CTNNA2: variants seen among roughly 807,000 people sequenced by gnomAD.
CTNNA2 encodes catenin alpha-2.
A neutral mutation model predicts 101.0 loss-of-function variants in CTNNA2; 42 were observed. The ratio of observed to expected loss-of-function variants is 0.42; its 90% confidence interval spans 0.32 to 0.54. The LOEUF is 0.54. CTNNA2 is among the 20% of genes least tolerant of loss of function. The pLI, the probability that CTNNA2 is intolerant of heterozygous loss-of-function variation, is 0.14. For synonymous variants in CTNNA2, 450 were observed against 456.4 expected (o/e 0.99, Z 0.18); for missense variants, 871 against 1,223.1 (o/e 0.71, Z 4.29).
At chr2:79,629,707 A>T (rs1338698933) in intron 1 of CTNNA2, among the ~76,000 whole-genome samples, 1 of 152,160 alleles carries the variant, frequency 6.6e-6, no homozygotes, top group Admixed American at 6.5e-5. Flanking sequence ...CAGTGTCTCG[A>T]TAGATGGGAG....
chr2:80,614,447 T>C (rs1698690023), intron 17 of CTNNA2, among the ~76,000 whole-genome samples: 1 of 151,438 alleles, frequency 6.6e-6, no homozygotes, highest in Non-Finnish European at 1.5e-5. Context: ...GTAAATACTA[T>C]GCCATTTTAT....
chr2:80,028,077 T>A (rs923970700), intron 7 of CTNNA2: 9 of 151,530 alleles, frequency 5.9e-5, no homozygotes, highest in African/African-American at 2.2e-4. Context: ...AGATGAAGTG[T>A]GGCTTTTTCG....
intron 2 of CTNNA2, among the ~76,000 whole-genome samples, chr2:79,293,758 C>T (rs532412429): frequency 1.3e-5 from 2 of 152,162 alleles, no homozygotes; most frequent in South Asian, 2.1e-4. Flanking sequence ...TAGGGAGAAA[C>T]AGGAATGAGT....
chr2:79,223,638 A>G (rs151245341), intron 2 of CTNNA2, among the ~76,000 whole-genome samples: 56 of 152,244 alleles, frequency 3.7e-4, no homozygotes, highest in Admixed American at 9.8e-4. Context: ...TATATCCATC[A>G]ATTGTTTCTC....
chr2:80,043,821 T>A (rs1356952466), intron 7 of CTNNA2, among the ~76,000 whole-genome samples: 1 of 152,246 alleles, frequency 6.6e-6, no homozygotes, highest in Non-Finnish European at 1.5e-5. Context: ...GAAGTGAGGC[T>A]TTATTTTATT....
chr2:79,282,795 A>C (rs1007216147), intron 2 of CTNNA2, among the ~76,000 whole-genome samples: 1 of 118,196 alleles, frequency 8.5e-6, no homozygotes, highest in African/African-American at 2.7e-5. Flanking sequence ...GCTGGGTCAA[A>C]TGGTATTTCT....
intron 1 of CTNNA2, among the ~76,000 whole-genome samples, chr2:79,582,405 A>G (rs1676204199): frequency 6.6e-6 from 1 of 152,170 alleles, no homozygotes; most frequent in Non-Finnish European, 1.5e-5. Flanking sequence ...TGCTAGAACT[A>G]CACAAACTTT....
chr2:80,456,302 G>C (rs1236285928), intron 9 of CTNNA2, among the ~76,000 whole-genome samples: 1 of 152,140 alleles, frequency 6.6e-6, no homozygotes, highest in Non-Finnish European at 1.5e-5. Flanking sequence ...AATATCCCCT[G>C]CACATTGGTA....
intron 2 of CTNNA2, among the ~76,000 whole-genome samples, chr2:79,713,303 G>A (rs764488267): frequency 6.6e-6 from 1 of 152,210 alleles, no homozygotes; most frequent in Admixed American, 6.5e-5. Context: ...TTTAGCAGCC[G>A]GGAACTGTGG....
At chr2:80,422,129 A>T (rs923546635) in intron 9 of CTNNA2, among the ~76,000 whole-genome samples, 1 of 152,192 alleles carries the variant, frequency 6.6e-6, no homozygotes, top group Non-Finnish European at 1.5e-5. Flanking sequence ...AGTTTAATTG[A>T]CTCACAGTTA....
chr2:80,296,026 C>T (rs955622812), intron 7 of CTNNA2, among the ~76,000 whole-genome samples: 5 of 152,060 alleles, frequency 3.3e-5, no homozygotes, highest in African/African-American at 1.2e-4. Context: ...AGACTGAGCA[C>T]ATTGATTTTT....
intron 2 of CTNNA2, among the ~76,000 whole-genome samples, chr2:79,245,828 C>A (rs1674692971): frequency 6.6e-6 from 1 of 152,116 alleles, no homozygotes; most frequent in Admixed American, 6.5e-5. Flanking sequence ...AGGTGCAAAC[C>A]CTGGTCTTGA....
intron 1 of CTNNA2, among the ~76,000 whole-genome samples, chr2:79,569,263 C>G (rs1490898445): frequency 1.3e-5 from 2 of 152,046 alleles, no homozygotes; most frequent in Non-Finnish European, 2.9e-5. Context: ...AGTAGCTGTT[C>G]TCTCAGGGAG....
intron 7 of CTNNA2, among the ~76,000 whole-genome samples, chr2:80,340,015 A>G (rs1390440578): frequency 6.6e-6 from 1 of 152,220 alleles, no homozygotes; most frequent in Non-Finnish European, 1.5e-5. Context: ...TGTGCTTACA[A>G]AGTATATGCA....
At chr2:79,299,008 A>C (rs1676045700) in intron 2 of CTNNA2, among the ~76,000 whole-genome samples, 1 of 152,196 alleles carries the variant, frequency 6.6e-6, no homozygotes, top group Non-Finnish European at 1.5e-5. Flanking sequence ...AGCTTAGAAC[A>C]ATTTATCATC....
In CTNNA2 at chr2:79,710,665, A is replaced by G. The variant is rs144414221; in HGVS notation, c.103-33722A>G. The stretch of plus-strand genomic sequence containing the variant: ...GGGCCTGTAAATTAGTTTTGGCCAC[A>G]AGCCAATCAGCTTTCAAACCTGGTG... On this transcript the variant is annotated intron_variant, in intron 2 of 18. Transcript: ENST00000402739. Among the ~76,000 whole-genome samples, 320 of 152,302 alleles carry G rather than the reference A, an allele frequency of 2.1e-3. 1 individual carries two copies. The highest frequency in any genetic ancestry group is 7.2e-3 in the African/African-American group (299 of 41,572).
intron 7 of CTNNA2, among the ~76,000 whole-genome samples, chr2:80,056,343 T>G (rs1697212698): frequency 6.6e-6 from 1 of 152,200 alleles, no homozygotes; most frequent in South Asian, 2.1e-4. Context: ...AACCTAATAT[T>G]TAGCTGCAAG....
intron 18 of CTNNA2, among the ~76,000 whole-genome samples, chr2:80,639,200 A>G (rs1301087544): frequency 6.6e-6 from 1 of 151,842 alleles, no homozygotes; most frequent in Non-Finnish European, 1.5e-5. Flanking sequence ...TGTAATATTA[A>G]CTCTTTTAAT....
At chr2:79,944,825 T>C (rs1353355638) in intron 7 of CTNNA2, among the ~76,000 whole-genome samples, 2 of 152,174 alleles carry the variant, frequency 1.3e-5, no homozygotes, top group African/African-American at 4.8e-5. Context: ...CCATACACAA[T>C]GACAGCATTG....
Sources: allele counts gnomAD v4.1 joint callset (sites outside exome capture counted in the v4.1 genomes callset), GRCh38; gene constraint gnomAD v4.1.1; transcripts MANE v1.5; gene names NCBI Gene and HGNC (gene_info 2026-07-23, HGNC 2026-07-21).